Variants in SUFU observed in about 807,000 individuals in gnomAD.
SUFU encodes suppressor of fused homolog.
A neutral mutation model predicts 58.9 loss-of-function variants in SUFU; 7 were observed. That is an observed-to-expected ratio of 0.12 (90% CI 0.07 to 0.22). The LOEUF is 0.22. Ranked by LOEUF, SUFU falls within the 10% of genes least tolerant of loss-of-function variation. SUFU has a pLI of 1.00. For synonymous variants in SUFU, 232 were observed against 254.8 expected, an observed-to-expected ratio of 0.91 and a Z score of 0.85; for missense variants, 451 against 641.3, an observed-to-expected ratio of 0.70 and a Z score of 3.20.
chr10:102,618,937 T>C (rs1230510958), intron 10 of SUFU: 54 of 397,118 alleles, frequency 1.4e-4, no homozygotes, highest in African/African-American at 6.9e-4. Flanking sequence ...GTAGCGTGTG[T>C]GTGTGTGTGT....
chr10:102,504,539 G>T (rs766514604), intron 1 of SUFU, among the ~76,000 whole-genome samples: 15 of 151,816 alleles, frequency 9.9e-5, no homozygotes, highest in Non-Finnish European at 1.8e-4. Flanking sequence ...GGTACTGAGG[G>T]GTTAACCGGG....
chr10:102,593,124 G>T (rs1389861547), intron 4 of SUFU, among the ~76,000 whole-genome samples: 1 of 152,208 alleles, frequency 6.6e-6, no homozygotes, highest in Non-Finnish European at 1.5e-5. Flanking sequence ...CGAAGTCTAT[G>T]TGAAGGTTCC....
chr10:102,576,723 G>C (rs1428097022), intron 3 of SUFU, among the ~76,000 whole-genome samples: 1 of 152,096 alleles, frequency 6.6e-6, no homozygotes, highest in Non-Finnish European at 1.5e-5. Flanking sequence ...GTTTTGTTTT[G>C]CAGTGACAGG....
intron 3 of SUFU, among the ~76,000 whole-genome samples, chr10:102,571,103 C>T (rs192041366): frequency 1.2e-3 from 179 of 152,154 alleles, no homozygotes; most frequent in Non-Finnish European, 1.1e-3. Flanking sequence ...GTAAGAAAAT[C>T]GTATCAGAGA....
chr10:102,619,582 G>A lies in SUFU; in HGVS notation c.1296+2154G>A. ...CAAGCACCCACCCTTGATCACCGAGGGGTTTCTCAGGCCCTTTCCAAGGAG... is the reference window on the plus strand; with the variant it reads ...CAAGCACCCACCCTTGATCACCGAGAGGTTTCTCAGGCCCTTTCCAAGGAG... On this transcript the variant is annotated intron_variant, in intron 10 of 11. Coordinates refer to ENST00000369902, the MANE Select transcript of SUFU (RefSeq NM_016169.4). This position sits in a 1 kb window ranked among gnomAD's most constrained non-coding sequence, Gnocchi z 4.2. 1 of 871,884 alleles carries A rather than the reference G, an allele frequency of 1.1e-6. No individual in the cohort carries two copies. The highest frequency in any genetic ancestry group is 1.4e-6 in the Non-Finnish European group (1 of 707,140). 54.0% of individuals were successfully genotyped at this position (871,884 alleles called of 1,614,324 possible).
chr10:102,531,658 CA>C (rs11314095), intron 2 of SUFU, among the ~76,000 whole-genome samples: 152,226 of 152,258 alleles, frequency 1, 76,097 homozygotes, highest in Non-Finnish European at 1. Flanking sequence ...GTCAGGGTCC[CA>C]AATAAGGGAT....
chr10:102,581,800 C>T (rs2063283401), intron 3 of SUFU, among the ~76,000 whole-genome samples: 1 of 152,200 alleles, frequency 6.6e-6, no homozygotes, highest in Non-Finnish European at 1.5e-5. Context: ...CGGGTGTTCA[C>T]AGAAGACACT....
chr10:102,566,701 G>A (rs981445505), intron 3 of SUFU, among the ~76,000 whole-genome samples: 1 of 150,390 alleles, frequency 6.6e-6, no homozygotes, highest in Non-Finnish European at 1.5e-5. Flanking sequence ...GGAGGCGGAG[G>A]TTGCAGTGAG....
chr10:102,548,134 A>G (rs965311632), intron 2 of SUFU, among the ~76,000 whole-genome samples: 1 of 152,192 alleles, frequency 6.6e-6, no homozygotes, highest in Non-Finnish European at 1.5e-5. Context: ...AGCCTGAGTA[A>G]CAGAGCGAGA....
chr10:102,509,114 G>A (rs1207913994), intron 1 of SUFU, 55 bp from the exon 2 acceptor site: 1 of 1,611,892 alleles, frequency 6.2e-7, no homozygotes, highest in Non-Finnish European at 8.5e-7. Flanking sequence ...GCCTTAGCTT[G>A]ACATTGTCTG....
chr10:102,536,932 T>G lies in SUFU; in HGVS notation c.318-13038T>G, dbSNP rs150865401. ...CTCCACTGATCCTCCTGCCTCAGCC[T>G]CCCGAATAGCTGGGACTGCAGGCAT... is the stretch of plus-strand genomic sequence containing the variant. On this transcript the variant is annotated intron_variant, in intron 2 of 11. Coordinates refer to ENST00000369902, the MANE Select transcript of SUFU (RefSeq NM_016169.4). 9.4e-3 allele frequency among the ~76,000 whole-genome samples: 1,437 copies of G among 152,096 alleles called. 18 individuals carry two copies. The highest frequency in any genetic ancestry group is 0.017 in the Middle Eastern group (5 of 294).
intron 2 of SUFU, among the ~76,000 whole-genome samples, chr10:102,534,848 T>G (rs1318813083): frequency 6.6e-6 from 1 of 152,176 alleles, no homozygotes; most frequent in Non-Finnish European, 1.5e-5. Flanking sequence ...TTTAGGTTTC[T>G]CTATAGTCTC....
At chr10:102,505,472 T>C (rs1262856226) in intron 1 of SUFU, among the ~76,000 whole-genome samples, 1 of 152,028 alleles carries the variant, frequency 6.6e-6, no homozygotes, top group African/African-American at 2.4e-5. Flanking sequence ...TGCTTGGGGG[T>C]GTAGCCAAAG....
chr10:102,588,933 A>T lies in SUFU; in HGVS notation c.455-3649A>T, dbSNP rs192593493. 4.5e-4 allele frequency among the ~76,000 whole-genome samples: 68 copies of T among 151,632 alleles called. 1 individual carries two copies. The East Asian group carries it at 8.9e-3, about 20-fold the overall frequency. On this transcript the variant is annotated intron_variant, in intron 3 of 11. Coordinates refer to ENST00000369902, the MANE Select transcript of SUFU (RefSeq NM_016169.4). ...ATTTTGTTTATTTATTTATTTATTT[A>T]TTTTTTTGAGACACAGTCTCACTCT...
chr10:102,534,599 G>A (rs1175362933), intron 2 of SUFU, among the ~76,000 whole-genome samples: 2 of 152,254 alleles, frequency 1.3e-5, no homozygotes, highest in Admixed American at 6.5e-5. Flanking sequence ...CTGCGTAGGT[G>A]TAAGGGGCAG....
At chr10:102,562,287 G>A (rs2063045589) in intron 3 of SUFU, among the ~76,000 whole-genome samples, 1 of 152,128 alleles carries the variant, frequency 6.6e-6, no homozygotes, top group African/African-American at 2.4e-5. Context: ...CACTTTGGGA[G>A]GCCCAGGTGG....
intron 2 of SUFU, among the ~76,000 whole-genome samples, chr10:102,518,586 G>A (rs947743585): frequency 1.2e-4 from 18 of 149,344 alleles, no homozygotes; most frequent in African/African-American, 3.0e-4. Flanking sequence ...TGGCCCTCTC[G>A]CCCAGGCTGG....
At chr10:102,544,701 AAAC>A (rs751873681) in intron 2 of SUFU, among the ~76,000 whole-genome samples, 4 of 152,316 alleles carry the variant, frequency 2.6e-5, no homozygotes, top group Middle Eastern at 3.4e-3. Context: ...TCTGTTTCAA[AAAC>A]AACAACAACA....
At position 102,545,527 on chromosome 10, in the gene SUFU, T is replaced by C. The variant is rs565340288; in HGVS notation, c.318-4443T>C. ...CTTTTTTAGGAACTGCCAAACTCTT[T>C]TTCCAAAGTAGCTCCATCATTTTAT... On this transcript the variant is annotated intron_variant, in intron 2 of 11. Transcript: ENST00000369902. Among the ~76,000 whole-genome samples the C allele has an allele frequency of 2.0e-5, 3 of 152,266 alleles. No homozygotes were observed. In the South Asian group the frequency reaches 6.2e-4, roughly 32 times the overall value.
Sources: allele counts gnomAD v4.1 joint callset (sites outside exome capture counted in the v4.1 genomes callset), GRCh38; gene constraint gnomAD v4.1.1; non-coding constraint Gnocchi (gnomAD v3.1); transcripts MANE v1.5; gene names NCBI Gene and HGNC (gene_info 2026-07-23, HGNC 2026-07-21).